TPRG1: variants seen among roughly 807,000 people sequenced by gnomAD.
TPRG1 encodes tumor protein p63 regulated 1, also known as tumor protein p63-regulated gene 1 protein.
TPRG1 carries 29 observed loss-of-function variants against 29.3 expected under a neutral mutation model. That is an observed-to-expected ratio of 0.99 (90% CI 0.74 to 1.35). TPRG1 has a LOEUF of 1.35. Ranked by LOEUF, TPRG1 falls within the 40% of genes most tolerant of loss-of-function variation. The pLI, the probability that TPRG1 is intolerant of heterozygous loss-of-function variation, is 0.00. For missense variants in TPRG1, 327 were observed against 335.0 expected, an observed-to-expected ratio of 0.98 and a Z score of 0.19; for synonymous variants, 130 against 116.8, an observed-to-expected ratio of 1.11 and a Z score of -0.73.
intron 4 of TPRG1, among the ~76,000 whole-genome samples, chr3:189,045,349 G>T (rs1465086785): frequency 6.6e-6 from 1 of 152,092 alleles, no homozygotes; most frequent in African/African-American, 2.4e-5. Flanking sequence ...TTCTTTAATT[G>T]CTATTCAACA....
chr3:189,084,938 C>G (rs950534918), intron 4 of TPRG1, among the ~76,000 whole-genome samples: 1 of 152,176 alleles, frequency 6.6e-6, no homozygotes, highest in African/African-American at 2.4e-5. Context: ...ATAGTAGATG[C>G]TTGATAAAAC....
chr3:189,252,044 T>G (rs1035235043), intron 4 of TPRG1, among the ~76,000 whole-genome samples: 1 of 147,062 alleles, frequency 6.8e-6, no homozygotes, highest in Non-Finnish European at 1.5e-5. Flanking sequence ...TGCGGCCTTC[T>G]GCAGTGTTTG....
chr3:189,214,744 G>A (rs1470305342), intron 2 of TPRG1, among the ~76,000 whole-genome samples: 2 of 152,140 alleles, frequency 1.3e-5, no homozygotes, highest in African/African-American at 4.8e-5. Context: ...GAGCTAAAGA[G>A]TCTATGAACT....
At chr3:189,114,263 T>A (rs1255686627) in intron 1 of TPRG1, among the ~76,000 whole-genome samples, 4 of 134,152 alleles carry the variant, frequency 3.0e-5, no homozygotes, top group African/African-American at 1.3e-4. Flanking sequence ...GGCACCTAGA[T>A]GTTGCTTGTT....
intron 4 of TPRG1, among the ~76,000 whole-genome samples, chr3:189,045,206 T>C (rs771931536): frequency 1.3e-5 from 2 of 152,208 alleles, no homozygotes; most frequent in African/African-American, 2.4e-5. Context: ...ATTTCAGTTT[T>C]AAGAACACCA....
chr3:189,120,657 CA>C (rs1721725501), intron 1 of TPRG1, among the ~76,000 whole-genome samples: 1 of 152,170 alleles, frequency 6.6e-6, no homozygotes, highest in South Asian at 2.1e-4. Flanking sequence ...GAAAGTTGTC[CA>C]GAGAAAAGTA....
chr3:189,262,034 C>T (rs905384940), intron 4 of TPRG1, among the ~76,000 whole-genome samples: 8 of 151,808 alleles, frequency 5.3e-5, no homozygotes, highest in Non-Finnish European at 8.8e-5. Context: ...TGACATTTTG[C>T]CTCAAAAAGA....
intron 4 of TPRG1, among the ~76,000 whole-genome samples, chr3:189,246,085 G>T (rs1741337913): frequency 6.6e-6 from 1 of 152,126 alleles, no homozygotes; most frequent in Admixed American, 6.5e-5. Flanking sequence ...GTCGTGGGAG[G>T]GACCTGATGG....
chr3:189,167,461 T>C (rs899211139), upstream of TPRG1, among the ~76,000 whole-genome samples: 11 of 152,354 alleles, frequency 7.2e-5, no homozygotes, highest in African/African-American at 2.6e-4. Context: ...CCTGGTTCTT[T>C]CTTAGTTCTC....
intron 4 of TPRG1, among the ~76,000 whole-genome samples, chr3:189,244,228 G>A (rs1195493857): frequency 2.0e-5 from 3 of 152,050 alleles, no homozygotes; most frequent in Non-Finnish European, 4.4e-5. Context: ...TCAGGAGTTC[G>A]AGACCACCCT....
intron 4 of TPRG1, among the ~76,000 whole-genome samples, chr3:189,284,014 A>C (rs1717595770): frequency 6.6e-6 from 1 of 152,212 alleles, no homozygotes; most frequent in Non-Finnish European, 1.5e-5. Flanking sequence ...AATCAGGGAC[A>C]GGGCAATGAT....
intron 1 of TPRG1, among the ~76,000 whole-genome samples, chr3:188,998,874 G>A (rs1711912959): frequency 6.6e-6 from 1 of 152,144 alleles, no homozygotes; most frequent in African/African-American, 2.4e-5. Flanking sequence ...TAATTGGACT[G>A]AAGGAACTAG....
intron 1 of TPRG1, among the ~76,000 whole-genome samples, chr3:189,121,024 GC>G (rs1210912643): frequency 2.6e-5 from 4 of 152,162 alleles, no homozygotes; most frequent in African/African-American, 4.8e-5. Flanking sequence ...ACTACATTGA[GC>G]AAAAATCTTC....
chr3:189,102,060 TAA>T (rs1719272480), intron 1 of TPRG1, among the ~76,000 whole-genome samples: 2 of 152,204 alleles, frequency 1.3e-5, no homozygotes, highest in Admixed American at 1.3e-4. Flanking sequence ...CTCTATCTCT[TAA>T]AAGTCTTTGT....
chr3:189,283,694 C>T (rs1392095371), intron 4 of TPRG1, among the ~76,000 whole-genome samples: 3 of 152,168 alleles, frequency 2.0e-5, no homozygotes, highest in Admixed American at 6.5e-5. Context: ...TTTGTTAAAT[C>T]TACATGAGGC....
At chr3:189,036,180 A>G (rs967587707) in intron 4 of TPRG1, among the ~76,000 whole-genome samples, 1 of 152,200 alleles carries the variant, frequency 6.6e-6, no homozygotes, top group South Asian at 2.1e-4. Flanking sequence ...CACATACTGC[A>G]TGTTCTCATT....
At chr3:189,265,366 A>G (rs907239253) in intron 4 of TPRG1, among the ~76,000 whole-genome samples, 3 of 152,192 alleles carry the variant, frequency 2.0e-5, no homozygotes, top group African/African-American at 4.8e-5. Context: ...ACAGGCATGA[A>G]TTTAAAAAAC....
chr3:189,087,596 A>G (rs892030409), intron 4 of TPRG1, among the ~76,000 whole-genome samples: 2 of 152,138 alleles, frequency 1.3e-5, no homozygotes, highest in Non-Finnish European at 2.9e-5. Context: ...CTATGTCCTG[A>G]ATGGTATTGC....
chr3:189,250,939 T>G (rs891524919), intron 4 of TPRG1, among the ~76,000 whole-genome samples: 3 of 152,058 alleles, frequency 2.0e-5, no homozygotes, highest in South Asian at 4.1e-4. Flanking sequence ...CAGGGATTCA[T>G]GCATCATGAG....
Sources: allele counts gnomAD v4.1 joint callset (sites outside exome capture counted in the v4.1 genomes callset), GRCh38; gene constraint gnomAD v4.1.1; transcripts MANE v1.5; gene names NCBI Gene and HGNC (gene_info 2026-07-23, HGNC 2026-07-21).